The following RSPO2 variants were observed in gnomAD, a reference collection of about 807,000 sequenced individuals.
RSPO2 encodes the protein R-spondin 2.
Under a neutral mutation model 30.9 loss-of-function variants are expected in RSPO2, and 14 were observed. That is an observed-to-expected ratio of 0.45 (90% CI 0.30 to 0.71). The LOEUF (loss-of-function observed/expected upper bound fraction) is 0.71, where lower values mean the gene tolerates loss of function less well. Ranked by LOEUF, RSPO2 falls within the 30% of genes least tolerant of loss-of-function variation. RSPO2 has a pLI of 0.08. For missense variants in RSPO2, 264 were observed against 301.9 expected (o/e 0.87, Z 0.93); for synonymous variants, 107 against 96.4 (o/e 1.11, Z -0.64).
At chr8:107,912,050 G>C (rs1431378208) in intron 5 of RSPO2, among the ~76,000 whole-genome samples, 2 of 151,898 alleles carry the variant, frequency 1.3e-5, no homozygotes, top group Non-Finnish European at 2.9e-5. Context: ...AGTTTCCCAG[G>C]GTCAAGCAAC....
At chr8:108,020,458 C>A (rs1273249274) in intron 2 of RSPO2, among the ~76,000 whole-genome samples, 1 of 152,186 alleles carries the variant, frequency 6.6e-6, no homozygotes, top group African/African-American at 2.4e-5. Flanking sequence ...ACCTAAAGAA[C>A]AAAGTCTAGT....
At chr8:107,983,364 A>G in intron 3 of RSPO2, 1 of 1,609,610 alleles carries the variant, frequency 6.2e-7, no homozygotes, top group Non-Finnish European at 8.5e-7. Context: ...GTGAAGCAAG[A>G]TTGAAAGCCC....
At chr8:108,081,677 G>A (rs1813202166) in intron 2 of RSPO2, among the ~76,000 whole-genome samples, 1 of 152,128 alleles carries the variant, frequency 6.6e-6, no homozygotes, top group Non-Finnish European at 1.5e-5. Flanking sequence ...TAAATCTGCA[G>A]GAAAGCGAGT....
intron 2 of RSPO2, among the ~76,000 whole-genome samples, chr8:107,998,152 G>A (rs1039988019): frequency 2.6e-5 from 4 of 151,904 alleles, no homozygotes; most frequent in African/African-American, 9.7e-5. Context: ...AATTGCTAAT[G>A]TATGCCTCTT....
chr8:107,984,170 T>C (rs1187266879), intron 3 of RSPO2, among the ~76,000 whole-genome samples: 1 of 152,260 alleles, frequency 6.6e-6, no homozygotes, highest in Non-Finnish European at 1.5e-5. Flanking sequence ...CTTGAGCTAA[T>C]GATTCTGACT....
intron 2 of RSPO2, among the ~76,000 whole-genome samples, chr8:108,076,049 G>T (rs925231589): frequency 2.6e-5 from 4 of 152,176 alleles, no homozygotes. Flanking sequence ...AACTATGAGG[G>T]AATAATTGAT....
chr8:107,952,666 C>A (rs182127344), intron 5 of RSPO2, among the ~76,000 whole-genome samples: 1 of 152,246 alleles, frequency 6.6e-6, no homozygotes, highest in Admixed American at 6.5e-5. Context: ...ATTTTCTTGA[C>A]CCTGTCCCAT....
At chr8:107,951,800 T>C (rs1457622123) in intron 5 of RSPO2, among the ~76,000 whole-genome samples, 1 of 152,038 alleles carries the variant, frequency 6.6e-6, no homozygotes, top group Non-Finnish European at 1.5e-5. Context: ...GAAAAGAAGT[T>C]GTCTCATGTC....
At chr8:108,049,034 C>T (rs1224725112) in intron 2 of RSPO2, among the ~76,000 whole-genome samples, 1 of 151,834 alleles carries the variant, frequency 6.6e-6, no homozygotes, top group African/African-American at 2.4e-5. Flanking sequence ...GTCTGAGAGA[C>T]AGTTTGTTGT....
intron 2 of RSPO2, among the ~76,000 whole-genome samples, chr8:108,066,880 A>C (rs1812689175): frequency 6.6e-6 from 1 of 152,204 alleles, no homozygotes; most frequent in Admixed American, 6.5e-5. Flanking sequence ...AGCATGACTA[A>C]GAATGGCACA....
intron 2 of RSPO2, among the ~76,000 whole-genome samples, chr8:108,070,899 T>A (rs1251189080): frequency 6.6e-6 from 1 of 152,238 alleles, no homozygotes; most frequent in Non-Finnish European, 1.5e-5. Context: ...ATAAAATACT[T>A]TTTTCTTTAA....
chr8:107,931,670 C>CT (rs1281594393), intron 5 of RSPO2, among the ~76,000 whole-genome samples: 3 of 152,074 alleles, frequency 2.0e-5, no homozygotes, highest in Non-Finnish European at 4.4e-5. Context: ...TAGTTCTGTA[C>CT]TATAAGAGCA....
At chr8:107,962,652 T>A (rs1410644833) in intron 3 of RSPO2, among the ~76,000 whole-genome samples, 1 of 152,154 alleles carries the variant, frequency 6.6e-6, no homozygotes, top group East Asian at 1.9e-4. Flanking sequence ...TCAAACTACA[T>A]GACCATTATG....
At position 107,973,557 on chromosome 8, in the gene RSPO2, C is replaced by T. The variant is rs867999297; in HGVS notation, c.284-12740G>A. On this transcript the variant is annotated intron_variant, in intron 3 of 5. Transcript: ENST00000276659. Reference sequence around the variant, plus strand: ...TCACACACACACACACACACACACACACACAGAACAAGCAAACAAAAAAAA... The same window carrying T: ...TCACACACACACACACACACACACATACACAGAACAAGCAAACAAAAAAAA... Among the ~76,000 whole-genome samples, 1,250 of 136,738 alleles carry T rather than the reference C, an allele frequency of 9.1e-3. 16 individuals are homozygous for T. The highest frequency in any genetic ancestry group is 0.032 in the African/African-American group (1,194 of 37,412). The allele number at this position is 136,738 out of a possible 152,430, so 89.7% of individuals were successfully genotyped here.
intron 2 of RSPO2, among the ~76,000 whole-genome samples, chr8:108,003,269 GTGTGTGTGTA>G: frequency 1.1e-5 from 1 of 87,030 alleles, no homozygotes; most frequent in Non-Finnish European, 2.1e-5. Flanking sequence ...GTGTGTGTGT[GTGTGTGTGTA>G]TATATATATA....
chr8:108,050,462 TGATA>T (rs769235223), intron 2 of RSPO2, among the ~76,000 whole-genome samples: 8 of 152,164 alleles, frequency 5.3e-5, no homozygotes, highest in Non-Finnish European at 8.8e-5. Context: ...ATATATAGAT[TGATA>T]AAGTAAATAT....
At chr8:107,988,554 T>C (rs574877541) in intron 3 of RSPO2, among the ~76,000 whole-genome samples, 1 of 152,316 alleles carries the variant, frequency 6.6e-6, no homozygotes, top group East Asian at 1.9e-4. Context: ...TGTGGAATTG[T>C]GTCTTACAGC....
chr8:108,058,665 A>G lies in RSPO2; in HGVS notation c.94+23880T>C, dbSNP rs574986227. Reference sequence around the variant, plus strand: ...CAAAACAGAGATATAGATCAATGGAACAGAACAGAGCCCTCAGAAATAATG... The same window carrying G: ...CAAAACAGAGATATAGATCAATGGAGCAGAACAGAGCCCTCAGAAATAATG... On this transcript the variant is annotated intron_variant, in intron 2 of 5. Transcript: ENST00000276659. 3.5e-3 allele frequency among the ~76,000 whole-genome samples: 532 copies of G among 152,058 alleles called. 5 individuals are homozygous for G. Among genetic ancestry groups the G allele is most frequent in the African/African-American group, 0.01 (431 of 41,320 alleles).
chr8:107,977,108 C>T (rs1814243284), intron 3 of RSPO2, among the ~76,000 whole-genome samples: 1 of 152,152 alleles, frequency 6.6e-6, no homozygotes, highest in African/African-American at 2.4e-5. Flanking sequence ...ATGATCAGCT[C>T]ATGATCAGTA....
Sources: gnomAD v4.1 joint callset for allele counts (sites outside exome capture counted in the v4.1 genomes callset) on GRCh38, gnomAD v4.1.1 for gene constraint, MANE v1.5 for transcripts, NCBI Gene and HGNC (gene_info 2026-07-23, HGNC 2026-07-21) for gene names.